The following GRHPR variants were observed in gnomAD, a reference collection of about 807,000 sequenced individuals.
GRHPR encodes the protein glyoxylate reductase/hydroxypyruvate reductase.
GRHPR carries 35 observed loss-of-function variants against 36.8 expected under a neutral mutation model. The observed-to-expected ratio is 0.95, with a 90% confidence interval of 0.73 to 1.26. GRHPR has a LOEUF of 1.26. GRHPR is among the 50% of genes most tolerant of loss of function. GRHPR has a pLI of 0.00. For missense variants in GRHPR, 380 were observed against 435.0 expected, an observed-to-expected ratio of 0.87 and a Z score of 1.12; for synonymous variants, 179 against 181.0, an observed-to-expected ratio of 0.99 and a Z score of 0.09.
intron 5 of GRHPR, 105 bp downstream of exon 5, chr9:37,428,677 C>A: frequency 1.3e-6 from 1 of 792,112 alleles, no homozygotes; most frequent in Non-Finnish European, 2.2e-6. Flanking sequence ...GCTGTCAGGG[C>A]ACTTTGCTTG....
At chr9:37,425,274 C>T (rs1246890547) in intron 2 of GRHPR, among the ~76,000 whole-genome samples, 1 of 152,232 alleles carries the variant, frequency 6.6e-6, no homozygotes, top group African/African-American at 2.4e-5. Context: ...GCTCTGTGAC[C>T]TCCAGCAAGA....
intron 8 of GRHPR, chr9:37,432,341 C>G: frequency 1.7e-6 from 1 of 578,580 alleles, no homozygotes; most frequent in South Asian, 1.7e-5. Context: ...TGCTGGGTCT[C>G]TGTCCCTAAA....
Position 37,424,897 on chromosome 9 carries a change from G to C in GRHPR, c.136G>C (p.Glu46Gln), listed in dbSNP as rs202022170. 8 of 1,613,702 alleles carry C rather than the reference G, an allele frequency of 5.0e-6. No homozygotes were observed. The Admixed American group carries it at 5.0e-5, about 10-fold the overall frequency. ...SDEPIPAKEL[E>Q]RGVAGAHGLL... ...TGAGCCCATCCCTGCCAAGGAGCTA[G>C]AGCGAGGTGTGGCGGGGGCCCACGG... is the stretch of plus-strand genomic sequence containing the variant. The change falls in exon 2 of 9, where the codon GAG becomes CAG. Residue 46 changes from glutamate to glutamine, a missense_variant. By Grantham distance (29) the Glu-to-Gln change is conservative (BLOSUM62 2). Coordinates refer to ENST00000318158, the MANE Select transcript of GRHPR (RefSeq NM_012203.2).
In GRHPR at chr9:37,422,728, C is replaced by A. The variant is rs377087833; in HGVS notation, c.-23C>A. ...CGGGCCAGCTTCTGTACTGCCAGGT[C>A]CGGGTCGGCGGCTGCACTGCGGATG... On this transcript the variant is annotated 5_prime_UTR_variant, in exon 1 of 9. Transcript: ENST00000318158. The A allele has an allele frequency of 6.6e-5, 103 of 1,549,604 alleles. No individual in the cohort carries two copies. The highest frequency in any genetic ancestry group is 8.8e-5 in the Non-Finnish European group (100 of 1,142,266).
At chr9:37,433,927 T>C (rs1823502950) in intron 8 of GRHPR, 1 of 397,468 alleles carries the variant, frequency 2.5e-6, no homozygotes, top group Non-Finnish European at 4.4e-6. Flanking sequence ...ATGCTCCCAT[T>C]ATTGCAGCCC....
intron 8 of GRHPR, chr9:37,434,138 A>ACTGG: frequency 2.6e-6 from 1 of 387,938 alleles, no homozygotes; most frequent in Non-Finnish European, 4.5e-6. Flanking sequence ...TGCAGCCGCC[A>ACTGG]CCGCTGCTTC....
At chr9:37,431,633 A>G in intron 7 of GRHPR, 1 of 277,330 alleles carries the variant, frequency 3.6e-6, no homozygotes, top group Non-Finnish European at 7.1e-6. Flanking sequence ...AAACACTTGG[A>G]TGGGGCCTAA....
chr9:37,433,079 C>T (rs1225935592), intron 8 of GRHPR, among the ~76,000 whole-genome samples: 1 of 152,178 alleles, frequency 6.6e-6, no homozygotes, highest in African/African-American at 2.4e-5. Flanking sequence ...GCAGTTTTTC[C>T]AACACTTGGT....
intron 6 of GRHPR, chr9:37,430,107 G>A: frequency 1.8e-6 from 1 of 551,570 alleles, no homozygotes; most frequent in Non-Finnish European, 3.3e-6. Flanking sequence ...GGGCGGAGCA[G>A]CGGGGATGGT....
chr9:37,428,587 G>T lies in GRHPR; in HGVS notation c.493+15G>T. 2 of 1,562,238 alleles carry T rather than the reference G, an allele frequency of 1.3e-6. No homozygotes were observed. Among genetic ancestry groups the T allele is most frequent in the Admixed American group, 1.7e-5 (1 of 59,954 alleles). On this transcript the variant is annotated intron_variant, in intron 5 of 8. Coordinates refer to ENST00000318158, the MANE Select transcript of GRHPR (RefSeq NM_012203.2). ...GGGGCGCATAGGTGAGGCTCCCACC[G>T]GCCCGCTTGCCCGCCCCGGCTCTCA...
rs180177313 is a variant in GRHPR at position 37,428,574 on chromosome 9, T to A, written c.493+2T>A. ...GCATCATCGGGCTGGGGCGCATAGGTGAGGCTCCCACCGGCCCGCTTGCCC... is the reference window on the plus strand; with the variant it reads ...GCATCATCGGGCTGGGGCGCATAGGAGAGGCTCCCACCGGCCCGCTTGCCC... On this transcript the variant is annotated splice_donor_variant, in intron 5 of 8. Transcript: ENST00000318158. LOFTEE classifies it high-confidence loss of function. The A allele has an allele frequency of 3.1e-6, 5 of 1,596,240 alleles. No homozygotes were observed. The highest frequency in any genetic ancestry group is 4.3e-6 in the Non-Finnish European group (5 of 1,168,014).
intron 1 of GRHPR, 151 bp from the exon 2 acceptor site, chr9:37,424,694 T>G (rs1822990769): frequency 2.3e-6 from 2 of 852,694 alleles, no homozygotes; most frequent in Admixed American, 2.4e-5. Flanking sequence ...CTCGGGACAG[T>G]TCTGAGACCA....
chr9:37,425,384 C>G (rs1823032136), intron 2 of GRHPR, among the ~76,000 whole-genome samples: 1 of 152,246 alleles, frequency 6.6e-6, no homozygotes, highest in South Asian at 2.1e-4. Flanking sequence ...CGGGTCTCAG[C>G]CCATGGAAGA....
intron 6 of GRHPR, 45 bp downstream of exon 6, chr9:37,429,881 T>C (rs1410098025): frequency 8.9e-7 from 1 of 1,128,740 alleles, no homozygotes; most frequent in Admixed American, 1.7e-5. Context: ...TGTGCCCAGT[T>C]GAGAGGCTGT....
At chr9:37,430,044 G>T in intron 6 of GRHPR, 1 of 623,640 alleles carries the variant, frequency 1.6e-6, no homozygotes, top group Non-Finnish European at 2.9e-6. Context: ...CGAGCCAGCA[G>T]AGCAGTCCAG....
At chr9:37,431,930 T>TCTGTAGGTTG (rs1823385839) in intron 7 of GRHPR, 78 bp from the exon 8 acceptor site, 2 of 1,503,256 alleles carry the variant, frequency 1.3e-6, no homozygotes, top group African/African-American at 2.7e-5. Flanking sequence ...AAAAATTCAT[T>TCTGTAGGTTG]CTGTAGGTTG....
chr9:37,430,781 A>G (rs778278587), intron 7 of GRHPR, 135 bp downstream of exon 7: 7 of 818,772 alleles, frequency 8.5e-6, no homozygotes, highest in East Asian at 2.6e-5. Flanking sequence ...CCAAACAACC[A>G]ACTCAGAAAT....
intron 5 of GRHPR, chr9:37,428,790 C>T (rs963807728): frequency 1.5e-6 from 1 of 681,720 alleles, no homozygotes; most frequent in African/African-American, 1.8e-5. Context: ...GTGATAAAAG[C>T]AAGTTGCCTA....
At chr9:37,422,606 G>T (rs527529849), upstream of GRHPR, 1 of 697,736 alleles carries the variant, frequency 1.4e-6, no homozygotes, top group South Asian at 1.6e-5. Context: ...CCGCAACCCG[G>T]CGCTCCCTCT....
Sources: gnomAD v4.1 joint callset for allele counts (sites outside exome capture counted in the v4.1 genomes callset) on GRCh38, gnomAD v4.1.1 for gene constraint, MANE v1.5 for transcripts, NCBI Gene and HGNC (gene_info 2026-07-23, HGNC 2026-07-21) for gene names.